The following CRISPLD2 variants were observed in gnomAD, a reference collection of about 807,000 sequenced individuals.
CRISPLD2 encodes the protein cysteine-rich secretory protein LCCL domain-containing 2.
In CRISPLD2, 47 loss-of-function variants were observed where a neutral mutation model predicts 71.1. That is an observed-to-expected ratio of 0.66 (90% CI 0.52 to 0.84). The LOEUF is 0.84. Among genes scored for constraint, CRISPLD2 ranks in the 40% least tolerant of loss-of-function variants. The probability of loss-of-function intolerance (pLI) is 0.00; values close to 1 mark genes in which losing one functional copy is unlikely to be tolerated. For synonymous variants in CRISPLD2, 317 were observed against 250.1 expected, an observed-to-expected ratio of 1.27 and a Z score of -2.52; for missense variants, 830 against 651.1, an observed-to-expected ratio of 1.27 and a Z score of -2.99.
rs368960943 is a variant in CRISPLD2 at position 84,833,619 on chromosome 16, C to T, written c.-74-4803C>T. On this transcript the variant is annotated intron_variant, in intron 1 of 14. Transcript: ENST00000262424. ...CACCAAAGCGTGAGCTCTTCCAGGACGCTAGGAGGGCACTCTGCAGGGGGC... is the reference window on the plus strand; with the variant it reads ...CACCAAAGCGTGAGCTCTTCCAGGATGCTAGGAGGGCACTCTGCAGGGGGC... Among the ~76,000 whole-genome samples, 22 of 152,242 alleles carry T rather than the reference C, an allele frequency of 1.4e-4. 1 individual carries two copies. Among genetic ancestry groups the T allele is most frequent in the East Asian group, 7.8e-4 (4 of 5,156 alleles).
At chr16:84,856,848 A>T (rs1917254581) in intron 6 of CRISPLD2, among the ~76,000 whole-genome samples, 1 of 152,222 alleles carries the variant, frequency 6.6e-6, no homozygotes. Context: ...TTTTTTAGCC[A>T]TAAATTGAGT....
chr16:84,831,869 G>A (rs1204966097), intron 1 of CRISPLD2, among the ~76,000 whole-genome samples: 1 of 152,134 alleles, frequency 6.6e-6, no homozygotes, highest in Non-Finnish European at 1.5e-5. Context: ...TGAGTAGCTG[G>A]AACTACAGAC....
intron 1 of CRISPLD2, among the ~76,000 whole-genome samples, chr16:84,826,890 T>C (rs2143137292): frequency 6.6e-6 from 1 of 152,336 alleles, no homozygotes; most frequent in Non-Finnish European, 1.5e-5. Context: ...GCCCCGGGAT[T>C]TTCTCTTGCA....
chr16:84,903,508 C>G (rs1332684036), intron 14 of CRISPLD2, among the ~76,000 whole-genome samples: 1 of 151,772 alleles, frequency 6.6e-6, no homozygotes, highest in Non-Finnish European at 1.5e-5. Context: ...AGGAGAATCG[C>G]TTGAACCTGG....
intron 14 of CRISPLD2, among the ~76,000 whole-genome samples, chr16:84,896,633 C>T (rs886483792): frequency 3.5e-4 from 54 of 152,190 alleles, no homozygotes; most frequent in South Asian, 1.9e-3. Flanking sequence ...GGAAGGTAGG[C>T]GAGGCTGAGC....
intron 14 of CRISPLD2, among the ~76,000 whole-genome samples, chr16:84,893,219 C>G (rs988108136): frequency 1.3e-5 from 2 of 152,148 alleles, no homozygotes; most frequent in East Asian, 1.9e-4. Flanking sequence ...CAGCTCCTCT[C>G]TCTAATGGGT....
chr16:84,825,928 A>T (rs974867886), intron 1 of CRISPLD2, among the ~76,000 whole-genome samples: 1 of 151,784 alleles, frequency 6.6e-6, no homozygotes, highest in African/African-American at 2.4e-5. Context: ...CGGCACTCCA[A>T]CCTGAACAAC....
intron 6 of CRISPLD2, among the ~76,000 whole-genome samples, chr16:84,858,779 C>G (rs1917308020): frequency 6.6e-6 from 1 of 152,212 alleles, no homozygotes; most frequent in African/African-American, 2.4e-5. Flanking sequence ...TCTGGTGGGT[C>G]TTACGGACGT....
At chr16:84,850,026 G>C (rs376200352) in intron 4 of CRISPLD2, among the ~76,000 whole-genome samples, 1 of 151,540 alleles carries the variant, frequency 6.6e-6, no homozygotes, top group Non-Finnish European at 1.5e-5. Flanking sequence ...GCACTCAACC[G>C]AGAAAACTTC....
chr16:84,856,306 G>A (rs1917239450), intron 6 of CRISPLD2, among the ~76,000 whole-genome samples: 1 of 152,196 alleles, frequency 6.6e-6, no homozygotes, highest in Admixed American at 6.5e-5. Flanking sequence ...CCACTGTGGA[G>A]CGGTAGACTG....
At chr16:84,866,477 C>G (rs1413590681) in intron 6 of CRISPLD2, among the ~76,000 whole-genome samples, 1 of 152,168 alleles carries the variant, frequency 6.6e-6, no homozygotes, top group East Asian at 1.9e-4. Flanking sequence ...CTCAGGTGAT[C>G]CGCCCACCTC....
intron 13 of CRISPLD2, 99 bp from the exon 14 acceptor site, chr16:84,889,127 TCCCA>T: frequency 1.4e-6 from 2 of 1,475,254 alleles, no homozygotes; most frequent in Non-Finnish European, 1.9e-6. Context: ...GGGGTCCACA[TCCCA>T]CCAGCCAGGT....
At chr16:84,839,308 A>G (rs1253158835) in intron 2 of CRISPLD2, 1 of 246,516 alleles carries the variant, frequency 4.1e-6, no homozygotes. Flanking sequence ...AGCCTTTCCC[A>G]CCTGGAGGCA....
intron 13 of CRISPLD2, among the ~76,000 whole-genome samples, chr16:84,886,241 C>G (rs892874787): frequency 1.3e-5 from 2 of 152,166 alleles, no homozygotes; most frequent in African/African-American, 2.4e-5. Context: ...TGCCTGGAAC[C>G]TGCTAGATTG....
intron 14 of CRISPLD2, among the ~76,000 whole-genome samples, chr16:84,906,244 A>G (rs963067253): frequency 6.6e-6 from 1 of 151,878 alleles, no homozygotes; most frequent in Non-Finnish European, 1.5e-5. Flanking sequence ...CCAAGACACC[A>G]CTGTTCGGGT....
intron 6 of CRISPLD2, among the ~76,000 whole-genome samples, chr16:84,856,393 G>A (rs567106881): frequency 2.0e-5 from 3 of 152,214 alleles, no homozygotes; most frequent in Non-Finnish European, 2.9e-5. Flanking sequence ...CTTAAGGGGA[G>A]GAGGAGCCCA....
chr16:84,865,503 G>C (rs1917512213), intron 6 of CRISPLD2, among the ~76,000 whole-genome samples: 1 of 152,174 alleles, frequency 6.6e-6, no homozygotes, highest in Non-Finnish European at 1.5e-5. Flanking sequence ...CTGCGAGCGT[G>C]CTCTAGTTAT....
At chr16:84,869,357 A>G (rs888798521) in intron 8 of CRISPLD2, among the ~76,000 whole-genome samples, 5 of 152,190 alleles carry the variant, frequency 3.3e-5, no homozygotes, top group Non-Finnish European at 7.4e-5. Flanking sequence ...TGGGAAAACC[A>G]TGTCATTGGG....
intron 1 of CRISPLD2, among the ~76,000 whole-genome samples, chr16:84,831,847 G>A (rs1180994130): frequency 1.3e-5 from 2 of 152,116 alleles, no homozygotes; most frequent in African/African-American, 2.4e-5. Context: ...TGATTTTCCT[G>A]CCTCAGCCTC....
Sources: allele counts gnomAD v4.1 joint callset (sites outside exome capture counted in the v4.1 genomes callset), GRCh38; gene constraint gnomAD v4.1.1; transcripts MANE v1.5; gene names NCBI Gene and HGNC (gene_info 2026-07-23, HGNC 2026-07-21).